THBS4: variants seen among roughly 807,000 people sequenced by gnomAD.
THBS4 encodes thrombospondin-4.
Under a neutral mutation model 115.7 loss-of-function variants are expected in THBS4, and 90 were observed. The observed-to-expected ratio is 0.78, with a 90% CI of 0.66 to 0.93. The LOEUF is 0.93. Ranked by LOEUF, THBS4 falls within the 40% of genes least tolerant of loss-of-function variation. The pLI is 0.00. For synonymous variants in THBS4, 460 were observed against 479.3 expected (o/e 0.96, Z 0.53); for missense variants, 1,087 against 1,232.7 (o/e 0.88, Z 1.77).
chr5:80,082,680 G>A, intron 21 of THBS4, 135 bp downstream of exon 21: 1 of 1,090,598 alleles, frequency 9.2e-7, no homozygotes, highest in Non-Finnish European at 1.3e-6. Flanking sequence ...GATAGTCCCT[G>A]TGTACCAGAA....
intron 14 of THBS4, chr5:80,072,746 A>G (rs993630051): frequency 2.1e-5 from 6 of 279,872 alleles, no homozygotes; most frequent in African/African-American, 1.1e-4. Flanking sequence ...TACACAGCCT[A>G]TGTATGGACA....
rs747091903 is a variant in THBS4, at chr5:80,065,469, A to C, written c.1186A>C (p.Asn396His). 2 of 1,613,368 alleles carry C rather than the reference A, an allele frequency of 1.2e-6. No individual in the cohort carries two copies. Among genetic ancestry groups the C allele is most frequent in the Non-Finnish European group, 8.5e-7 (1 of 1,179,778 alleles). The change falls in exon 9 of 22, where the codon AAT becomes CAT. Residue 396 changes from asparagine (N) to histidine (H), a missense_variant. This residue lies in a region of THBS4 where 979 missense variants were observed against 1,103.7 expected (regional missense o/e 0.89). Transcript: ENST00000350881. ...GTGCGTTCCCAACTCGATCTGCGTTAATACTTTGGTAAGTATTTCTCACAG... is the reference window on the plus strand; with the variant it reads ...GTGCGTTCCCAACTCGATCTGCGTTCATACTTTGGTAAGTATTTCTCACAG... ...GACVPNSICVNTLGSYRCGPC... is the reference protein window; with the variant it reads ...GACVPNSICVHTLGSYRCGPC...
chr5:80,016,378 GTCA>G (rs1832250292), intron 2 of THBS4, among the ~76,000 whole-genome samples: 1 of 152,142 alleles, frequency 6.6e-6, no homozygotes, highest in Admixed American at 6.5e-5. Context: ...GTGTTGAAAT[GTCA>G]TCATGTTTTA....
Position 80,035,703 on chromosome 5 carries a change from GGCCCTGTGCTCCTGTGGCCTTGCTCA to G in THBS4, c.88+83_88+108del. 2 of 1,039,350 alleles carry G rather than the reference GGCCCTGTGCTCCTGTGGCCTTGCTCA, an allele frequency of 1.9e-6. No individual in the cohort carries two copies. The highest frequency in any genetic ancestry group is 2.5e-6 in the Non-Finnish European group (2 of 799,814). The allele number at this position is 1,039,350 out of a possible 1,614,324, so 64.4% of individuals were successfully genotyped here. On this transcript the variant is annotated intron_variant, in intron 1 of 21. Coordinates refer to ENST00000350881, the MANE Select transcript of THBS4 (RefSeq NM_003248.6). This position sits in a 1 kb window ranked among gnomAD's most constrained non-coding sequence, Gnocchi z 4.6. Reference sequence around the variant, plus strand: ...GCTGAGTGAGTGGAGGGACTTGCTCGGCCCTGTGCTCCTGTGGCCTTGCTCAGCCCCTCTCTGTCCCTCCCGGGCCC... The same window carrying G: ...GCTGAGTGAGTGGAGGGACTTGCTCGGCCCCTCTCTGTCCCTCCCGGGCCC...
intron 2 of THBS4, among the ~76,000 whole-genome samples, chr5:80,045,757 G>A (rs567525500): frequency 2.6e-4 from 39 of 152,002 alleles, no homozygotes; most frequent in African/African-American, 9.2e-4. Context: ...TCTCAAACTC[G>A]CGACCTCAGA....
chr5:80,061,940 T>A (rs768807143), intron 8 of THBS4, 108 bp downstream of exon 8: 16 of 1,233,662 alleles, frequency 1.3e-5, no homozygotes, highest in Non-Finnish European at 1.7e-5. Flanking sequence ...GTCAAGGCCA[T>A]GTGGAATGTC....
upstream of THBS4, among the ~76,000 whole-genome samples, chr5:80,031,018 C>T (rs1832577376): frequency 6.6e-6 from 1 of 152,190 alleles, no homozygotes; most frequent in Non-Finnish European, 1.5e-5. Context: ...AGTCACCGCA[C>T]AGGAGCAGGA....
chr5:80,014,517 CTCTT>C (rs1832209434), intron 2 of THBS4, among the ~76,000 whole-genome samples: 1 of 152,202 alleles, frequency 6.6e-6, no homozygotes, highest in African/African-American at 2.4e-5. Context: ...GTTCAGATAT[CTCTT>C]AGGCTCAGCA....
chr5:79,998,046 C>T (rs568843948), intron 1 of THBS4, among the ~76,000 whole-genome samples: 45 of 152,250 alleles, frequency 3.0e-4, no homozygotes, highest in African/African-American at 1.0e-3. Context: ...GGGTCCAAAA[C>T]ATACAAATAA....
chr5:80,059,919 T>A lies in THBS4; in HGVS notation c.987+14T>A. ...GATGTTGATGAGGTAAAAGTTCACT[T>A]AGACTGGGAGGGGATCCCTAAGTAT... On this transcript the variant is annotated intron_variant, in intron 7 of 21. Coordinates refer to ENST00000350881, the MANE Select transcript of THBS4 (RefSeq NM_003248.6). 1 of 1,611,668 alleles carries A rather than the reference T, an allele frequency of 6.2e-7. No individual in the cohort carries two copies. Among genetic ancestry groups the A allele is most frequent in the Non-Finnish European group, 8.5e-7 (1 of 1,178,992 alleles).
At chr5:80,049,825 G>A (rs1833196050) in intron 2 of THBS4, among the ~76,000 whole-genome samples, 1 of 152,174 alleles carries the variant, frequency 6.6e-6, no homozygotes, top group African/African-American at 2.4e-5. Context: ...TGCTTGCTTT[G>A]AGGAGGCAAT....
intron 2 of THBS4, among the ~76,000 whole-genome samples, chr5:80,017,290 T>G (rs1662567508): frequency 6.6e-6 from 1 of 152,188 alleles, no homozygotes; most frequent in African/African-American, 2.4e-5. Context: ...TTTATTTAGA[T>G]AAGAAAATCT....
intron 2 of THBS4, among the ~76,000 whole-genome samples, chr5:80,030,076 T>C (rs891400040): frequency 6.6e-6 from 1 of 152,226 alleles, no homozygotes; most frequent in African/African-American, 2.4e-5. Context: ...ATAGCTTTTT[T>C]CCTGTCACTT....
intron 2 of THBS4, chr5:80,052,419 T>C (rs1226408297): frequency 1.3e-5 from 2 of 152,264 alleles, no homozygotes; most frequent in East Asian, 3.8e-4. Flanking sequence ...TATTTGTGTC[T>C]ATTTCCCTCC....
At chr5:80,022,864 A>G (rs1405926117) in intron 2 of THBS4, among the ~76,000 whole-genome samples, 2 of 152,196 alleles carry the variant, frequency 1.3e-5, no homozygotes, top group African/African-American at 2.4e-5. Flanking sequence ...AGCCAATGTC[A>G]TTCATGGTTT....
rs375637775 is a variant in THBS4, at chr5:80,062,947, G to A, written c.1125+1115G>A. Reference sequence around the variant, plus strand: ...TCCAGTCTATCATTGATGGACATTTGGGTTGGTTCCAAGTCTTTGCTATTG... The same window carrying A: ...TCCAGTCTATCATTGATGGACATTTAGGTTGGTTCCAAGTCTTTGCTATTG... On this transcript the variant is annotated intron_variant, in intron 8 of 21. Coordinates refer to ENST00000350881, the MANE Select transcript of THBS4 (RefSeq NM_003248.6). 3.1e-4 allele frequency among the ~76,000 whole-genome samples: 47 copies of A among 152,232 alleles called. No individual in the cohort carries two copies. In the East Asian group the frequency reaches 7.5e-3, roughly 24 times the overall value.
intron 2 of THBS4, among the ~76,000 whole-genome samples, chr5:80,051,481 T>G (rs1171948406): frequency 6.6e-6 from 1 of 152,204 alleles, no homozygotes; most frequent in Non-Finnish European, 1.5e-5. Context: ...CAAACAGACA[T>G]TGTGAAGGTG....
chr5:80,058,861 T>A, intron 5 of THBS4, 71 bp downstream of exon 5: 6 of 1,465,094 alleles, frequency 4.1e-6, no homozygotes, highest in Non-Finnish European at 3.7e-6. Flanking sequence ...CTAGTGGAGC[T>A]GCAGGCCTGC....
chr5:80,035,576 C>T lies in THBS4; in HGVS notation c.39C>T (p.His13=), dbSNP rs1832690387. The change falls in exon 1 of 22, where the codon CAC becomes CAT. Residue 13 remains histidine (H), a synonymous_variant. Coordinates refer to ENST00000350881, the MANE Select transcript of THBS4 (RefSeq NM_003248.6). This position sits in a 1 kb window ranked among gnomAD's most constrained non-coding sequence, Gnocchi z 4.6. ...GCGGAGCCGCCGTCCTCCTGCTGCA[C>T]CTGGTCCTGCAGCGGTGGCTAGCGG... ...APRGAAVLLL[H]LVLQRWLAAG... 1 of 1,441,890 alleles carries T rather than the reference C, an allele frequency of 6.9e-7. No homozygotes were observed. The highest frequency in any genetic ancestry group is 2.8e-5 in the East Asian group (1 of 35,198). The allele number at this position is 1,441,890 out of a possible 1,614,324, so 89.3% of individuals were successfully genotyped here.
Sources: gnomAD v4.1 joint callset for allele counts (sites outside exome capture counted in the v4.1 genomes callset) on GRCh38, gnomAD v4.1.1 for gene constraint, gnomAD v4.1.1 regional missense constraint, Gnocchi (gnomAD v3.1) non-coding constraint, MANE v1.5 for transcripts, NCBI Gene and HGNC (gene_info 2026-07-23, HGNC 2026-07-21) for gene names.